The following IPO13 variants were observed in gnomAD, a reference collection of about 807,000 sequenced individuals.
IPO13 encodes importin 13.
Under a neutral mutation model 115.5 loss-of-function variants are expected in IPO13, and 28 were observed. The observed-to-expected ratio is 0.24, with a 90% CI of 0.18 to 0.33. The LOEUF is 0.33. IPO13 is among the 10% of genes least tolerant of loss of function. The pLI is 1.00. For missense variants in IPO13, 785 were observed against 1,204.6 expected (o/e 0.65, Z 5.16); for synonymous variants, 414 against 478.9 (o/e 0.86, Z 1.77).
At chr1:43,959,895 T>A (rs1017104592) in intron 11 of IPO13, among the ~76,000 whole-genome samples, 33 of 152,318 alleles carry the variant, frequency 2.2e-4, no homozygotes, top group African/African-American at 7.7e-4. Flanking sequence ...AGATAGCATC[T>A]CCACTTCTTC....
intron 2 of IPO13, among the ~76,000 whole-genome samples, chr1:43,950,670 G>C (rs2085203056): frequency 6.6e-6 from 1 of 152,202 alleles, no homozygotes; most frequent in South Asian, 2.1e-4. Context: ...GTGCTGCACA[G>C]TATGGCATCA....
In IPO13 at chr1:43,952,829, G is replaced by C. The variant is rs1423362034; in HGVS notation, c.821+2676G>C. Among the ~76,000 whole-genome samples the C allele has an allele frequency of 6.6e-6, 1 of 152,220 alleles. No homozygotes were observed. The highest frequency in any genetic ancestry group is 1.5e-5 in the Non-Finnish European group (1 of 68,032). On this transcript the variant is annotated intron_variant, in intron 2 of 19. Coordinates refer to ENST00000372343, the MANE Select transcript of IPO13 (RefSeq NM_014652.4). This position sits in a 1 kb window ranked among gnomAD's most constrained non-coding sequence, Gnocchi z 4.7. ...GTTCCTATATACTCTGTAAACGGCA[G>C]TTGCCAGTATTTGGTTTCATTATTG...
chr1:43,958,654 A>T lies in IPO13; in HGVS notation c.1884+59A>T, dbSNP rs866805899. The T allele has an allele frequency of 6.8e-6, 11 of 1,611,926 alleles. 1 individual carries two copies. In the South Asian group the frequency reaches 1.2e-4, roughly 18 times the overall value. ...GAGATGCTGTGGCTGATGAGGGGTG[A>T]GGTTGGAGCTGGCCCTCAGAGCTGA... On this transcript the variant is annotated intron_variant, in intron 10 of 19. Transcript: ENST00000372343. This position sits in a 1 kb window ranked among gnomAD's most constrained non-coding sequence, Gnocchi z 6.3.
In IPO13 at chr1:43,947,331, A is replaced by G; in HGVS notation, c.-270A>G. On this transcript the variant is annotated 5_prime_UTR_variant, in exon 1 of 20. Transcript: ENST00000372343. ...TCTGGGGACAGAGCTGTTACCTGCC[A>G]CTAGGATCCCCGCCTGAGAGCTCCT... The G allele has an allele frequency of 2.5e-6, 1 of 399,060 alleles. No individual in the cohort carries two copies. Among genetic ancestry groups the G allele is most frequent in the Non-Finnish European group, 4.4e-6 (1 of 226,234 alleles). The allele number at this position is 399,060 out of a possible 1,614,324, so 24.7% of individuals were successfully genotyped here.
rs185504598 is a variant in IPO13, at chr1:43,949,295, C to T, written c.85-122C>T. On this transcript the variant is annotated intron_variant, in intron 1 of 19. Coordinates refer to ENST00000372343, the MANE Select transcript of IPO13 (RefSeq NM_014652.4). ...GAAACACTGCAGAGCGCTGAGCTCT[C>T]CCTGCTCAGCCCCCCAGTCAGGGAG... The T allele has an allele frequency of 1.4e-4, 143 of 1,050,196 alleles. No homozygotes were observed. In the East Asian group the frequency reaches 2.4e-3, roughly 17 times the overall value. The allele number at this position is 1,050,196 out of a possible 1,614,324, so 65.1% of individuals were successfully genotyped here. A position where few individuals can be genotyped will look rare whatever the true frequency, so the allele number is the denominator to read the frequency against.
chr1:43,966,282 G>C lies in IPO13; in HGVS notation c.2398-293G>C. On this transcript the variant is annotated intron_variant, in intron 15 of 19. Transcript: ENST00000372343. The surrounding 1 kb of genome is among the most constrained non-coding windows in gnomAD (Gnocchi z 4.1). ...CGAGACATCTGGCCCTGATGGAGGG[G>C]GAGGGAAAGGTGTCTGGAACCCAAA... 1.9e-6 allele frequency: 1 copy of C among 521,884 alleles called. No individual in the cohort carries two copies. Among genetic ancestry groups the C allele is most frequent in the Non-Finnish European group, 3.5e-6 (1 of 287,128 alleles). The allele number at this position is 521,884 out of a possible 1,614,324, so 32.3% of individuals were successfully genotyped here. A position where few individuals can be genotyped will look rare whatever the true frequency, so the allele number is the denominator to read the frequency against.
In IPO13 at chr1:43,950,050, G is replaced by A. The variant is rs1307774058; in HGVS notation, c.718G>A (p.Glu240Lys). ...VQLEVPLQDC[E>K]ALIQAAFAAL... ...GCTGGAGGTGCCGCTGCAGGACTGT[G>A]AGGCGCTCATTCAGGCTGCCTTTGC... The change falls in exon 2 of 20, where the codon GAG (glutamate) becomes AAG (lysine). Residue 240 changes from glutamate (E) to lysine (K), a missense_variant. Glu to Lys is a moderately conservative substitution (Grantham distance 56). Around this residue, in one of 3 missense-constraint regions of IPO13, gnomAD observed 325 missense variants for 449.8 expected, o/e 0.72. Coordinates refer to ENST00000372343, the MANE Select transcript of IPO13 (RefSeq NM_014652.4). 1.2e-6 allele frequency: 2 copies of A among 1,613,826 alleles called. No individual in the cohort carries two copies. Among genetic ancestry groups the A allele is most frequent in the East Asian group, 4.5e-5 (2 of 44,878 alleles).
At position 43,966,613 on chromosome 1, in the gene IPO13, A is replaced by T; in HGVS notation, c.2436A>T (p.Arg812=). The change falls in exon 16 of 20, where the codon CGA becomes CGT. Residue 812 remains arginine (R), a synonymous_variant. Coordinates refer to ENST00000372343, the MANE Select transcript of IPO13 (RefSeq NM_014652.4). This position sits in a 1 kb window ranked among gnomAD's most constrained non-coding sequence, Gnocchi z 4.1. Reference sequence around the variant, plus strand: ...AGCCAGATTTGTTCCTGTGTGAACGATTGGATGTCAAAGCTGTGTTCCAGT... The same window carrying T: ...AGCCAGATTTGTTCCTGTGTGAACGTTTGGATGTCAAAGCTGTGTTCCAGT... ...KRKPDLFLCE[R]LDVKAVFQCA... The T allele has an allele frequency of 6.2e-7, 1 of 1,614,144 alleles. No individual in the cohort carries two copies. Among genetic ancestry groups the T allele is most frequent in the Non-Finnish European group, 8.5e-7 (1 of 1,180,018 alleles).
chr1:43,948,880 G>C (rs994705639), intron 1 of IPO13, among the ~76,000 whole-genome samples: 3 of 152,198 alleles, frequency 2.0e-5, no homozygotes, highest in Non-Finnish European at 4.4e-5. Flanking sequence ...CCTCCAGCAT[G>C]TCTGCCCCAG....
In IPO13 at chr1:43,966,508, C is replaced by G; in HGVS notation, c.2398-67C>G. The G allele has an allele frequency of 6.6e-6, 10 of 1,505,522 alleles. No individual in the cohort carries two copies. Among genetic ancestry groups the G allele is most frequent in the Non-Finnish European group, 9.2e-6 (10 of 1,083,624 alleles). 93.3% of individuals were successfully genotyped at this position (1,505,522 alleles called of 1,614,324 possible). A position where few individuals can be genotyped will look rare whatever the true frequency, so the allele number is the denominator to read the frequency against. ...GGTGTGAAGTTGGGGGCTGGGGTGG[C>G]AGGTGAGTGGGGGGGATGGTCCTTG... On this transcript the variant is annotated intron_variant, in intron 15 of 19. Coordinates refer to ENST00000372343, the MANE Select transcript of IPO13 (RefSeq NM_014652.4). The surrounding 1 kb of genome is among the most constrained non-coding windows in gnomAD (Gnocchi z 4.1).
In IPO13 at chr1:43,956,509, T is replaced by G. The variant is rs28451246; in HGVS notation, c.962+49T>G. 6.2e-7 allele frequency: 1 copy of G among 1,613,896 alleles called. No individual in the cohort carries two copies. The highest frequency in any genetic ancestry group is 1.3e-5 in the African/African-American group (1 of 74,990). ...TGGGATAGTAGGGCCCTCTAAGAAA[T>G]GGGGTTCTGGAAGTCCCTGGAAAGG... On this transcript the variant is annotated intron_variant, in intron 3 of 19. Transcript: ENST00000372343. The surrounding 1 kb of genome is among the most constrained non-coding windows in gnomAD (Gnocchi z 4.7).
At chr1:43,965,595 T>G (rs796435563) in intron 15 of IPO13, among the ~76,000 whole-genome samples, 21 of 151,994 alleles carry the variant, frequency 1.4e-4, no homozygotes, top group African/African-American at 5.1e-4. Context: ...GCTGAGGGTG[T>G]AGGTGTGTGG....
rs781488483 is a variant in IPO13 at position 43,956,782 on chromosome 1, G to A, written c.1105-28G>A. 2.5e-6 allele frequency: 4 copies of A among 1,613,750 alleles called. No individual in the cohort carries two copies. In the South Asian group the frequency reaches 3.3e-5, roughly 13 times the overall value. On this transcript the variant is annotated intron_variant, in intron 4 of 19. Transcript: ENST00000372343. This position sits in a 1 kb window ranked among gnomAD's most constrained non-coding sequence, Gnocchi z 4.7. ...GGGCTTCTATGACTGCTGGTGAGGT[G>A]GCTAATTCTCTTCCCTGGCTCTCTC...
At position 43,956,070 on chromosome 1, in the gene IPO13, C is replaced by T. The variant is rs1221615100; in HGVS notation, c.822-250C>T. On this transcript the variant is annotated intron_variant, in intron 2 of 19. Coordinates refer to ENST00000372343, the MANE Select transcript of IPO13 (RefSeq NM_014652.4). The surrounding 1 kb of genome is among the most constrained non-coding windows in gnomAD (Gnocchi z 4.7). ...ATCAGCTCTCAGTCCAACTGGAGAA[C>T]ACAATTCAACCCATAATGCTGACCT... Among the ~76,000 whole-genome samples the T allele has an allele frequency of 6.6e-6, 1 of 150,630 alleles. No individual in the cohort carries two copies. The highest frequency in any genetic ancestry group is 2.5e-5 in the African/African-American group (1 of 40,690).
chr1:43,950,269 A>T (rs71652101), intron 2 of IPO13, 116 bp downstream of exon 2: 26 of 1,233,766 alleles, frequency 2.1e-5, no homozygotes, highest in Non-Finnish European at 2.8e-5. Flanking sequence ...CCTATGCTGG[A>T]GATACAGCAA....
chr1:43,961,998 C>T (rs2085293616), intron 14 of IPO13, among the ~76,000 whole-genome samples: 1 of 151,876 alleles, frequency 6.6e-6, no homozygotes, highest in Non-Finnish European at 1.5e-5. Flanking sequence ...GAAACAAAAA[C>T]AAAAAAACAG....
At chr1:43,962,036 G>A (rs2085293990) in intron 14 of IPO13, among the ~76,000 whole-genome samples, 1 of 152,108 alleles carries the variant, frequency 6.6e-6, no homozygotes, top group Non-Finnish European at 1.5e-5. Flanking sequence ...CATGAGCCTT[G>A]CCTGGATTCA....
chr1:43,948,195 G>A (rs1171848100), intron 1 of IPO13, among the ~76,000 whole-genome samples: 2 of 152,238 alleles, frequency 1.3e-5, no homozygotes, highest in African/African-American at 4.8e-5. Context: ...GGCAGGCCTG[G>A]GGCTGTCTCC....
chr1:43,956,204 G>T lies in IPO13; in HGVS notation c.822-116G>T. 3.3e-6 allele frequency: 4 copies of T among 1,203,430 alleles called. No homozygotes were observed. The highest frequency in any genetic ancestry group is 1.5e-5 in the South Asian group (1 of 65,230). The allele number at this position is 1,203,430 out of a possible 1,614,324, so 74.5% of individuals were successfully genotyped here. A position where few individuals can be genotyped will look rare whatever the true frequency, so the allele number is the denominator to read the frequency against. ...AGACCCTGACCCTTTTTTTGCTTAGGATTTGATAAGGGAAGGGGAGCTTTG... is the reference window on the plus strand; with the variant it reads ...AGACCCTGACCCTTTTTTTGCTTAGTATTTGATAAGGGAAGGGGAGCTTTG... On this transcript the variant is annotated intron_variant, in intron 2 of 19. Coordinates refer to ENST00000372343, the MANE Select transcript of IPO13 (RefSeq NM_014652.4). The surrounding 1 kb of genome is among the most constrained non-coding windows in gnomAD (Gnocchi z 4.7).
Sources: allele counts gnomAD v4.1 joint callset (sites outside exome capture counted in the v4.1 genomes callset), GRCh38; gene constraint gnomAD v4.1.1; regional missense constraint gnomAD v4.1.1; non-coding constraint Gnocchi (gnomAD v3.1); transcripts MANE v1.5; gene names NCBI Gene and HGNC (gene_info 2026-07-23, HGNC 2026-07-21).